The following SLC6A17 variants were observed in gnomAD, a reference collection of about 807,000 sequenced individuals.
The protein encoded by SLC6A17 is sodium-dependent neutral amino acid transporter SLC6A17.
Under a neutral mutation model 64.5 loss-of-function variants are expected in SLC6A17, and 21 were observed. That is an observed-to-expected ratio of 0.33 (90% confidence interval 0.23 to 0.47). The LOEUF is 0.47. SLC6A17 is among the 20% of genes least tolerant of loss of function. The pLI is 1.00. For synonymous variants in SLC6A17, 372 were observed against 399.5 expected, an observed-to-expected ratio of 0.93 and a Z score of 0.82; for missense variants, 682 against 963.2, an observed-to-expected ratio of 0.71 and a Z score of 3.86.
At chr1:110,185,079 C>T (rs1251424835) in intron 6 of SLC6A17, among the ~76,000 whole-genome samples, 1 of 152,152 alleles carries the variant, frequency 6.6e-6, no homozygotes, top group Non-Finnish European at 1.5e-5. Context: ...GAAGGTGGCC[C>T]AGCCTCATTA....
chr1:110,163,519 C>T lies in SLC6A17; in HGVS notation c.-87-3324C>T, dbSNP rs556219842. 1.3e-4 allele frequency among the ~76,000 whole-genome samples: 20 copies of T among 152,324 alleles called. No individual in the cohort carries two copies. The South Asian group carries it at 3.5e-3, about 27-fold the overall frequency. ...TCTGTGTGCGGCTGCTCATTGGACC[C>T]TCACAGCAGCCCTCCCTGGGAGATG... On this transcript the variant is annotated intron_variant, in intron 1 of 11. Transcript: ENST00000331565.
chr1:110,171,562 G>A (rs1656223476), intron 2 of SLC6A17, among the ~76,000 whole-genome samples: 2 of 152,114 alleles, frequency 1.3e-5, no homozygotes, highest in Admixed American at 6.5e-5. Flanking sequence ...CAGCTTCCCT[G>A]GAGCTGCCCA....
intron 8 of SLC6A17, among the ~76,000 whole-genome samples, chr1:110,193,510 A>G (rs1206060014): frequency 1.3e-5 from 2 of 152,256 alleles, no homozygotes; most frequent in African/African-American, 2.4e-5. Flanking sequence ...CAAGGCTCAC[A>G]TGGGGCGGAG....
chr1:110,188,037 C>T (rs1436621506), intron 6 of SLC6A17, among the ~76,000 whole-genome samples: 2 of 152,214 alleles, frequency 1.3e-5, no homozygotes, highest in African/African-American at 4.8e-5. Context: ...ATGACCTGCA[C>T]AGATGTGAGG....
intron 6 of SLC6A17, among the ~76,000 whole-genome samples, chr1:110,181,497 A>G (rs1298440790): frequency 6.6e-6 from 1 of 152,262 alleles, no homozygotes; most frequent in Non-Finnish European, 1.5e-5. Context: ...CCAGCAGTGA[A>G]CAAAGCAGAC....
At chr1:110,175,652 G>A (rs1279487451) in intron 5 of SLC6A17, among the ~76,000 whole-genome samples, 3 of 152,186 alleles carry the variant, frequency 2.0e-5, no homozygotes, top group African/African-American at 4.8e-5. Flanking sequence ...CTAACATCAC[G>A]CAGCCAGTCA....
Position 110,195,716 on chromosome 1 carries a change from C to T in SLC6A17, c.1623C>T (p.Ile541=), listed in dbSNP as rs775614013. The part of the protein sequence containing the change: ...PLTLIVILEN[I]AVAWIYGTKK... The stretch of plus-strand genomic sequence containing the variant: ...CTCTCATCGTCATCCTTGAGAACAT[C>T]GCTGTGGCCTGGATTTATGGAACCA... Residue 541 remains isoleucine, a synonymous_variant, in exon 10 of 12, where the codon ATC becomes ATT. Transcript: ENST00000331565. 2.2e-5 allele frequency: 36 copies of T among 1,614,202 alleles called. No homozygotes were observed. The Admixed American group carries it at 3.3e-4, about 15-fold the overall frequency.
chr1:110,160,265 G>A (rs764442311), intron 1 of SLC6A17, among the ~76,000 whole-genome samples: 4 of 152,214 alleles, frequency 2.6e-5, no homozygotes, highest in Non-Finnish European at 4.4e-5. Context: ...GCAGACTTCC[G>A]GTAGGTTCAA....
In SLC6A17 at chr1:110,174,873, C is replaced by T. The variant is rs1194671184; in HGVS notation, c.666C>T (p.Gly222=). The change falls in exon 5 of 12, where the codon GGC becomes GGT. Residue 222 remains glycine (G), a synonymous_variant. Coordinates refer to ENST00000331565, the MANE Select transcript of SLC6A17 (RefSeq NM_001010898.4). The part of the protein sequence containing the change: ...DISDSISESG[G]LNWKMTLCLL... Reference sequence around the variant, plus strand: ...CTGACTCCATCTCGGAGAGTGGGGGCCTCAACTGGAAGATGACCCTGTGCC... The same window carrying T: ...CTGACTCCATCTCGGAGAGTGGGGGTCTCAACTGGAAGATGACCCTGTGCC... The T allele has an allele frequency of 1.2e-6, 2 of 1,614,054 alleles. No individual in the cohort carries two copies. Among genetic ancestry groups the T allele is most frequent in the Non-Finnish European group, 1.7e-6 (2 of 1,180,040 alleles).
chr1:110,200,283 A>G lies in SLC6A17; in HGVS notation c.*1839A>G. The G allele has an allele frequency of 2.6e-6, 1 of 391,360 alleles. No homozygotes were observed. Among genetic ancestry groups the G allele is most frequent in the Non-Finnish European group, 4.5e-6 (1 of 222,778 alleles). 24.2% of individuals were successfully genotyped at this position (391,360 alleles called of 1,614,324 possible). ...TCCCCTTTCTAGCCCCCTCTGCCCT[A>G]CCTGTCTTTCCTGAGTGTTTGAGGG... is the stretch of plus-strand genomic sequence containing the variant. On this transcript the variant is annotated 3_prime_UTR_variant, in exon 12 of 12. Transcript: ENST00000331565.
intron 1 of SLC6A17, among the ~76,000 whole-genome samples, chr1:110,156,982 G>T (rs1334860967): frequency 6.6e-6 from 1 of 151,566 alleles, no homozygotes; most frequent in East Asian, 1.9e-4. Flanking sequence ...GGACTCATCT[G>T]TCCCCATGGT....
intron 6 of SLC6A17, among the ~76,000 whole-genome samples, chr1:110,183,132 G>A (rs1656577567): frequency 6.6e-6 from 1 of 152,168 alleles, no homozygotes; most frequent in African/African-American, 2.4e-5. Context: ...ACATATCCAA[G>A]AGAACTGAAA....
intron 1 of SLC6A17, among the ~76,000 whole-genome samples, chr1:110,162,448 C>T (rs1043294584): frequency 3.9e-5 from 6 of 152,168 alleles, no homozygotes; most frequent in East Asian, 1.9e-4. Context: ...AACTGAGATC[C>T]GGAGAAGTTA....
At chr1:110,162,828 A>G (rs1168282275) in intron 1 of SLC6A17, among the ~76,000 whole-genome samples, 1 of 152,056 alleles carries the variant, frequency 6.6e-6, no homozygotes, top group Non-Finnish European at 1.5e-5. Flanking sequence ...GCATGGTTCT[A>G]AGACCAGTAC....
intron 4 of SLC6A17, 144 bp downstream of exon 4, chr1:110,174,243 C>A: frequency 8.3e-7 from 1 of 1,202,108 alleles, no homozygotes; most frequent in Non-Finnish European, 1.1e-6. Flanking sequence ...ATTTCCCCTT[C>A]CCCAGTGGGA....
At chr1:110,163,018 TAAAAAA>T (rs67702050) in intron 1 of SLC6A17, among the ~76,000 whole-genome samples, 34 of 102,204 alleles carry the variant, frequency 3.3e-4, no homozygotes, top group African/African-American at 9.4e-4. Context: ...CCCATGTTGG[TAAAAAA>T]AAAAAAAAAA....
At chr1:110,191,825 G>T in intron 6 of SLC6A17, 147 bp from the exon 7 acceptor site, 2 of 1,308,308 alleles carry the variant, frequency 1.5e-6, no homozygotes, top group Non-Finnish European at 2.1e-6. Context: ...CAGAGGAGTA[G>T]GGAAATTGCC....
At chr1:110,169,015 A>G (rs895556541) in intron 2 of SLC6A17, among the ~76,000 whole-genome samples, 1 of 152,016 alleles carries the variant, frequency 6.6e-6, no homozygotes, top group Admixed American at 6.5e-5. Context: ...ACTGTCCAGT[A>G]TTTTTACAGG....
intron 6 of SLC6A17, among the ~76,000 whole-genome samples, chr1:110,186,851 GA>G (rs1399123662): frequency 6.6e-6 from 1 of 152,216 alleles, no homozygotes; most frequent in Non-Finnish European, 1.5e-5. Context: ...AGGCAATTAG[GA>G]AAAACTTTAA....
Sources: gnomAD v4.1 joint callset for allele counts (sites outside exome capture counted in the v4.1 genomes callset) on GRCh38, gnomAD v4.1.1 for gene constraint, MANE v1.5 for transcripts, NCBI Gene and HGNC (gene_info 2026-07-23, HGNC 2026-07-21) for gene names.